The following JAK1 variants were observed in gnomAD, a reference collection of about 807,000 sequenced individuals.
JAK1 encodes the protein tyrosine-protein kinase JAK1.
Under a neutral mutation model 136.6 loss-of-function variants are expected in JAK1, and 16 were observed. The observed-to-expected ratio is 0.12, with a 90% CI of 0.08 to 0.18. The LOEUF (loss-of-function observed/expected upper bound fraction) is 0.18, where lower values mean the gene tolerates loss of function less well. JAK1 is among the 10% of genes least tolerant of loss of function. The pLI, the probability that JAK1 is intolerant of heterozygous loss-of-function variation, is 1.00. For missense variants in JAK1, 859 were observed against 1,450.1 expected (o/e 0.59, Z 6.62); for synonymous variants, 492 against 519.5 (o/e 0.95, Z 0.72).
chr1:65,019,485 T>A, intron 2 of JAK1, among the ~76,000 whole-genome samples: 1 of 129,102 alleles, frequency 7.7e-6, no homozygotes, highest in Non-Finnish European at 1.6e-5. Flanking sequence ...GAAAAGTGAA[T>A]GGTTAAAAAA....
chr1:64,904,524 A>C (rs1645161743), intron 1 of JAK1, among the ~76,000 whole-genome samples: 1 of 152,172 alleles, frequency 6.6e-6, no homozygotes, highest in Non-Finnish European at 1.5e-5. Flanking sequence ...TCCAACTCCC[A>C]AAAAAATCAT....
In JAK1 at chr1:65,032,124, C is replaced by G. The variant is rs146045982; in HGVS notation, c.-78+12356G>C. Among the ~76,000 whole-genome samples, 304 of 152,138 alleles carry G rather than the reference C, an allele frequency of 2.0e-3. 3 individuals carry two copies. The highest frequency in any genetic ancestry group is 6.5e-3 in the African/African-American group (268 of 41,528). On this transcript the variant is annotated intron_variant, in intron 2 of 25. Coordinates refer to the JAK1 transcript ENST00000671954. ...GGGACTACAGGCACGCACCACCACG[C>G]CCAGCTAATTTTTGTATTTTTAGTA...
rs1450791903 is a variant in JAK1 at position 64,869,373 on chromosome 1, C to T, written c.585G>A (p.Leu195=). The T allele has an allele frequency of 1.2e-6, 2 of 1,613,988 alleles. No homozygotes were observed. The highest frequency in any genetic ancestry group is 2.2e-5 in the South Asian group (2 of 91,068). ...TCATCATGGCATAGTGTGAGATGGC[C>T]AGGACAGCCATCCCTAGACACTCGT... ...IENECLGMAV[L]AISHYAMMKK... is the part of the protein sequence containing the mutation. The change falls in exon 6 of 25, where the codon CTG becomes CTA. Residue 195 remains leucine (L), a synonymous_variant. Transcript: ENST00000342505.
chr1:64,949,623 G>A (rs1646046883), intron 1 of JAK1, among the ~76,000 whole-genome samples: 1 of 152,164 alleles, frequency 6.6e-6, no homozygotes, highest in Non-Finnish European at 1.5e-5. Flanking sequence ...AATTATAATG[G>A]TCCGTATTTG....
At chr1:65,034,232 G>A (rs1028574307) in intron 2 of JAK1, among the ~76,000 whole-genome samples, 7 of 152,178 alleles carry the variant, frequency 4.6e-5, no homozygotes, top group South Asian at 4.1e-4. Context: ...TGAGGAAAAC[G>A]GGATGGCATA....
chr1:65,043,065 T>C (rs1347015932), intron 2 of JAK1, among the ~76,000 whole-genome samples: 1 of 152,098 alleles, frequency 6.6e-6, no homozygotes, highest in African/African-American at 2.4e-5. Flanking sequence ...TGACAGGTGG[T>C]CTCAGAAAAA....
chr1:64,897,085 G>C lies in JAK1; in HGVS notation c.-77-10744C>G, dbSNP rs76677539. ...GGATACAAACAGGATGAAAACAGGA[G>C]CTGAGTGAGGACAACATTCCAAATA... On this transcript the variant is annotated intron_variant, in intron 1 of 24. Coordinates refer to ENST00000342505, the MANE Select transcript of JAK1 (RefSeq NM_002227.4). Among the ~76,000 whole-genome samples the C allele has an allele frequency of 1.0e-2, 1,519 of 152,142 alleles. 29 individuals carry two copies. The highest frequency in any genetic ancestry group is 0.035 in the African/African-American group (1,447 of 41,504).
intron 7 of JAK1, among the ~76,000 whole-genome samples, chr1:64,866,457 T>C (rs1221859350): frequency 1.3e-5 from 2 of 152,254 alleles, no homozygotes; most frequent in African/African-American, 2.4e-5. Flanking sequence ...AGTTATGACC[T>C]TGGGCAAATT....
intron 1 of JAK1, among the ~76,000 whole-genome samples, chr1:64,886,799 T>C (rs1200052260): frequency 2.0e-5 from 3 of 150,904 alleles, no homozygotes; most frequent in Non-Finnish European, 4.4e-5. Context: ...CACAGAGCTT[T>C]GTATTATTTT....
intron 1 of JAK1, among the ~76,000 whole-genome samples, chr1:65,064,370 G>C (rs1647951658): frequency 6.6e-6 from 1 of 152,152 alleles, no homozygotes; most frequent in Admixed American, 6.5e-5. Flanking sequence ...ACCCGAACCA[G>C]AGTAAAAGAT....
At chr1:64,910,519 G>A (rs2100272445) in intron 1 of JAK1, among the ~76,000 whole-genome samples, 1 of 152,302 alleles carries the variant, frequency 6.6e-6, no homozygotes, top group East Asian at 1.9e-4. Context: ...TTACTTTGAA[G>A]AGTTAACGCT....
intron 1 of JAK1, among the ~76,000 whole-genome samples, chr1:64,911,128 G>C (rs993454847): frequency 2.0e-5 from 3 of 151,640 alleles, no homozygotes; most frequent in East Asian, 1.9e-4. Context: ...TGTAGTTGGA[G>C]AGATGAAATT....
chr1:65,041,245 G>A (rs1355286748), intron 2 of JAK1, among the ~76,000 whole-genome samples: 1 of 152,178 alleles, frequency 6.6e-6, no homozygotes, highest in Non-Finnish European at 1.5e-5. Context: ...TATTTACAGT[G>A]TTGAAGGGGG....
chr1:64,851,504 C>G (rs1256316889), intron 11 of JAK1, among the ~76,000 whole-genome samples: 1 of 152,204 alleles, frequency 6.6e-6, no homozygotes, highest in Non-Finnish European at 1.5e-5. Context: ...TAACAGTGCC[C>G]TGTCTGAAGC....
chr1:64,843,113 T>C (rs1235819422), intron 17 of JAK1, among the ~76,000 whole-genome samples: 2 of 152,210 alleles, frequency 1.3e-5, no homozygotes, highest in Non-Finnish European at 2.9e-5. Context: ...CAGTAAAATG[T>C]AGGTTCTGCA....
chr1:65,035,413 G>A (rs1415912818), intron 2 of JAK1, among the ~76,000 whole-genome samples: 1 of 152,164 alleles, frequency 6.6e-6, no homozygotes, highest in African/African-American at 2.4e-5. Context: ...CTGAGGAAAC[G>A]CATCCGTGAG....
chr1:64,866,235 TAAAGGTG>T (rs1437555374), intron 7 of JAK1, among the ~76,000 whole-genome samples: 2 of 152,214 alleles, frequency 1.3e-5, no homozygotes, highest in African/African-American at 4.8e-5. Context: ...TAGCTGCTGA[TAAAGGTG>T]AAATAACTCT....
At chr1:65,024,101 A>T (rs1646958580) in intron 2 of JAK1, among the ~76,000 whole-genome samples, 1 of 152,072 alleles carries the variant, frequency 6.6e-6, no homozygotes, top group Non-Finnish European at 1.5e-5. Flanking sequence ...TTTTGCGGCC[A>T]TATATTTCCA....
rs944647931 is a variant in JAK1, at chr1:64,956,567, T to C, written c.-78+9766A>G. ...TTCACTACCCATACCTTGCTAACTT[T>C]CTCTATTGCACTTATCACCACCTGA... On this transcript the variant is annotated intron_variant, in intron 1 of 24. Coordinates refer to ENST00000342505, the MANE Select transcript of JAK1 (RefSeq NM_002227.4). Among the ~76,000 whole-genome samples, 8 of 152,328 alleles carry C rather than the reference T, an allele frequency of 5.3e-5. No homozygotes were observed. The East Asian group carries it at 7.7e-4, about 15-fold the overall frequency.
Sources: allele counts gnomAD v4.1 joint callset (sites outside exome capture counted in the v4.1 genomes callset), GRCh38; gene constraint gnomAD v4.1.1; transcripts MANE v1.5; gene names NCBI Gene and HGNC (gene_info 2026-07-23, HGNC 2026-07-21).